PCSK7: variants seen among roughly 807,000 people sequenced by gnomAD.
PCSK7 encodes lymphoma proprotein convertase.
PCSK7 carries 38 observed loss-of-function variants against 73.3 expected under a neutral mutation model. That is an observed-to-expected ratio of 0.52 (90% CI 0.40 to 0.68). The LOEUF (loss-of-function observed/expected upper bound fraction) is 0.68, where lower values mean the gene tolerates loss of function less well. Among genes scored for constraint, PCSK7 ranks in the 30% least tolerant of loss-of-function variants. The probability of loss-of-function intolerance (pLI) is 0.00; values close to 1 mark genes in which losing one functional copy is unlikely to be tolerated. For missense variants in PCSK7, 692 were observed against 991.5 expected (o/e 0.70, Z 4.06); for synonymous variants, 296 against 383.8 (o/e 0.77, Z 2.68).
At position 117,218,225 on chromosome 11, in the gene PCSK7, G is replaced by C. The variant is rs2134309128; in HGVS notation, c.1534+241C>G. 1 of 175,404 alleles carries C rather than the reference G, an allele frequency of 5.7e-6. No homozygotes were observed. The highest frequency in any genetic ancestry group is 1.2e-5 in the Non-Finnish European group (1 of 82,818). The allele number at this position is 175,404 out of a possible 1,614,324, so 10.9% of individuals were successfully genotyped here. A position where few individuals can be genotyped will look rare whatever the true frequency, so the allele number is the denominator to read the frequency against. On this transcript the variant is annotated intron_variant, in intron 12 of 16. Transcript: ENST00000320934. This position sits in a 1 kb window ranked among gnomAD's most constrained non-coding sequence, Gnocchi z 4.0. ...TGCCTCCCACCCGCCCTCCTCCTCAGTTGCTCTGCTGCTCCTTTTCACTAC... is the reference window on the plus strand; with the variant it reads ...TGCCTCCCACCCGCCCTCCTCCTCACTTGCTCTGCTGCTCCTTTTCACTAC...
intron 9 of PCSK7, chr11:117,221,105 G>A (rs7941150): frequency 0.2 from 29,690 of 152,156 alleles, 3,281 homozygotes; most frequent in African/African-American, 0.3. Context: ...TGCTAACACC[G>A]GAGAATTTCT....
rs144758875 is a variant in PCSK7 at position 117,231,537 on chromosome 11, G to A, written c.-133+490C>T. On this transcript the variant is annotated intron_variant, in intron 1 of 16. Coordinates refer to ENST00000320934, the MANE Select transcript of PCSK7 (RefSeq NM_004716.4). ...CAGTAGATCCCACCACAGATGTCAG[G>A]AAGAAAGAGAAGCAGGAGCTCCTTC... 4.6e-4 allele frequency among the ~76,000 whole-genome samples: 70 copies of A among 152,296 alleles called. 1 individual carries two copies. The East Asian group carries it at 0.012, about 26-fold the overall frequency.
chr11:117,231,677 C>G (rs1167204078), intron 1 of PCSK7: 1 of 152,294 alleles, frequency 6.6e-6, no homozygotes, highest in Non-Finnish European at 1.5e-5. Context: ...CCCTTTACAG[C>G]TCTTAATTGA....
chr11:117,214,601 G>A (rs2031884161), intron 12 of PCSK7: 1 of 152,214 alleles, frequency 6.6e-6, no homozygotes, highest in South Asian at 2.1e-4. Flanking sequence ...TAAAAAGGAT[G>A]AACTCTGAAC....
At chr11:117,222,974 T>C (rs998090990) in intron 9 of PCSK7, 2 of 516,618 alleles carry the variant, frequency 3.9e-6, no homozygotes, top group Non-Finnish European at 7.0e-6. Context: ...TCTAAAAATA[T>C]GTATATTCGT....
At position 117,216,432 on chromosome 11, in the gene PCSK7, A is replaced by ATTTTTTTTTTT. The variant is rs761129566; in HGVS notation, c.1534+2033_1534+2034insAAAAAAAAAAA. The ATTTTTTTTTTT allele has an allele frequency of 3.5e-5, 4 of 115,824 alleles. 1 individual carries two copies. The highest frequency in any genetic ancestry group is 7.9e-5 in the African/African-American group (2 of 25,266). 7.2% of individuals were successfully genotyped at this position (115,824 alleles called of 1,614,324 possible). Reference sequence around the variant, plus strand: ...CCTGGGACTGAGCTGCTCAACTCTCAATTTTTTTTTTTTTTTTTTTTTTTG... The same window carrying ATTTTTTTTTTT: ...CCTGGGACTGAGCTGCTCAACTCTCATTTTTTTTTTTATTTTTTTTTTTTTTTTTTTTTTTG... On this transcript the variant is annotated intron_variant, in intron 12 of 16. Transcript: ENST00000320934.
rs1484112227 is a variant in PCSK7, at chr11:117,229,002, G to A, written c.468+375C>T. ...CCATGTGTCAGGCATGGTTCTAAGT[G>A]CTACACATGTATACATTCACTTACC... On this transcript the variant is annotated intron_variant, in intron 3 of 16. Transcript: ENST00000320934. 3.3e-5 allele frequency among the ~76,000 whole-genome samples: 5 copies of A among 152,294 alleles called. No individual in the cohort carries two copies. In the East Asian group the frequency reaches 9.6e-4, roughly 29 times the overall value.
intron 9 of PCSK7, chr11:117,222,801 C>T (rs1053543404): frequency 3.6e-5 from 6 of 164,866 alleles, no homozygotes; most frequent in Non-Finnish European, 7.9e-5. Context: ...TGCCCGCCAC[C>T]ACACCAGGCT....
intron 4 of PCSK7, 98 bp from the exon 5 acceptor site, chr11:117,227,420 A>G (rs1449037317): frequency 1.1e-6 from 1 of 886,546 alleles, no homozygotes; most frequent in Non-Finnish European, 1.9e-6. Context: ...TTGGGAATCG[A>G]AGCTAGGGCG....
chr11:117,204,371 C>G lies in PCSK7; in HGVS notation c.*1626G>C, dbSNP rs2031245893. ...AGATCATCAGTTAGAGCGGAGAGGGCTAGCCCTGAGCCCGGCCCTCCCCCA... is the reference window on the plus strand; with the variant it reads ...AGATCATCAGTTAGAGCGGAGAGGGGTAGCCCTGAGCCCGGCCCTCCCCCA... On this transcript the variant is annotated 3_prime_UTR_variant, in exon 17 of 17. Transcript: ENST00000320934. The G allele has an allele frequency of 6.2e-7, 1 of 1,614,230 alleles. No individual in the cohort carries two copies. Among genetic ancestry groups the G allele is most frequent in the Non-Finnish European group, 8.5e-7 (1 of 1,180,028 alleles).
chr11:117,225,914 C>T lies in PCSK7; in HGVS notation c.860+17G>A, dbSNP rs1319874627. The T allele has an allele frequency of 2.6e-6, 4 of 1,524,806 alleles. No homozygotes were observed. The highest frequency in any genetic ancestry group is 2.7e-5 in the African/African-American group (2 of 72,866). The allele number at this position is 1,524,806 out of a possible 1,614,324, so 94.5% of individuals were successfully genotyped here. A position where few individuals can be genotyped will look rare whatever the true frequency, so the allele number is the denominator to read the frequency against. On this transcript the variant is annotated intron_variant, in intron 6 of 16. Coordinates refer to ENST00000320934, the MANE Select transcript of PCSK7 (RefSeq NM_004716.4). Reference sequence around the variant, plus strand: ...GTGCTCCAGGCTCTTGCCCTCTCATCTGCAGCTCTGCCTCACCTGCAGCTG... The same window carrying T: ...GTGCTCCAGGCTCTTGCCCTCTCATTTGCAGCTCTGCCTCACCTGCAGCTG...
chr11:117,219,393 C>T (rs926831118), intron 10 of PCSK7, 198 bp downstream of exon 10: 75 of 642,190 alleles, frequency 1.2e-4, no homozygotes, highest in Non-Finnish European at 1.9e-4. Flanking sequence ...GCCAGAGCTC[C>T]CCTTTGCAGA....
chr11:117,218,737 T>A lies in PCSK7; in HGVS notation c.1432-169A>T. Reference sequence around the variant, plus strand: ...CTCAGCTCCTGCTTGCTCGCTGGAATGCTCCGTACAGCCCCCAGCTAAGGA... The same window carrying A: ...CTCAGCTCCTGCTTGCTCGCTGGAAAGCTCCGTACAGCCCCCAGCTAAGGA... On this transcript the variant is annotated intron_variant, in intron 11 of 16. Coordinates refer to ENST00000320934, the MANE Select transcript of PCSK7 (RefSeq NM_004716.4). The surrounding 1 kb of genome is among the most constrained non-coding windows in gnomAD (Gnocchi z 4.0). The A allele has an allele frequency of 3.5e-6, 2 of 575,014 alleles. No individual in the cohort carries two copies. Among genetic ancestry groups the A allele is most frequent in the Admixed American group, 6.3e-5 (2 of 31,508 alleles). 35.6% of individuals were successfully genotyped at this position (575,014 alleles called of 1,614,324 possible).
At chr11:117,223,780 G>A in intron 8 of PCSK7, 1 of 414,408 alleles carries the variant, frequency 2.4e-6, no homozygotes, top group South Asian at 3.5e-5. Context: ...GGAGTCAGGG[G>A]AGGCTTCCAG....
intron 12 of PCSK7, chr11:117,214,161 G>T (rs778488331): frequency 1.3e-5 from 2 of 151,928 alleles, no homozygotes; most frequent in African/African-American, 4.8e-5. Context: ...GTTTCACCAT[G>T]TTGGCCAGGA....
At chr11:117,223,511 C>T in intron 8 of PCSK7, 1 of 576,838 alleles carries the variant, frequency 1.7e-6, no homozygotes, top group Admixed American at 3.0e-5. Context: ...TTCTGTGCCG[C>T]AATACCATTC....
intron 12 of PCSK7, chr11:117,213,679 G>T: frequency 6.6e-6 from 1 of 152,316 alleles, no homozygotes; most frequent in East Asian, 1.9e-4. Context: ...GTGCTTGTCT[G>T]CGTTCGCAGT....
intron 3 of PCSK7, among the ~76,000 whole-genome samples, chr11:117,229,141 G>A (rs1302578529): frequency 3.3e-5 from 5 of 152,228 alleles, no homozygotes; most frequent in Non-Finnish European, 5.9e-5. Flanking sequence ...AAGTGGCAGA[G>A]CTGGACCATG....
intron 6 of PCSK7, chr11:117,225,003 A>T: frequency 2.4e-6 from 1 of 408,856 alleles, no homozygotes; most frequent in Non-Finnish European, 4.6e-6. Flanking sequence ...ATAGTGGCAG[A>T]GAGGGACAGA....
Sources: allele counts gnomAD v4.1 joint callset (sites outside exome capture counted in the v4.1 genomes callset), GRCh38; gene constraint gnomAD v4.1.1; non-coding constraint Gnocchi (gnomAD v3.1); transcripts MANE v1.5; gene names NCBI Gene and HGNC (gene_info 2026-07-23, HGNC 2026-07-21).